Variants in NEGR1 observed in about 807,000 individuals in gnomAD.
The protein encoded by NEGR1 is IgLON family member 4.
NEGR1 carries 10 observed loss-of-function variants against 40.9 expected under a neutral mutation model. The observed-to-expected ratio is 0.24, with a 90% CI of 0.15 to 0.42. The LOEUF (loss-of-function observed/expected upper bound fraction) is 0.42, where lower values mean the gene tolerates loss of function less well. Among genes scored for constraint, NEGR1 ranks in the 10% least tolerant of loss-of-function variants. NEGR1 has a pLI of 1.00. For missense variants in NEGR1, 352 were observed against 438.9 expected (o/e 0.80, Z 1.77); for synonymous variants, 185 against 166.8 (o/e 1.11, Z -0.84).
intron 6 of NEGR1, among the ~76,000 whole-genome samples, chr1:71,504,926 G>A (rs1557548823): frequency 2.0e-5 from 3 of 152,030 alleles, no homozygotes; most frequent in African/African-American, 4.8e-5. Context: ...AAGTAATGAC[G>A]GGCCTCCTAA....
At chr1:72,061,510 CG>C (rs955136508) in intron 1 of NEGR1, among the ~76,000 whole-genome samples, 44 of 151,754 alleles carry the variant, frequency 2.9e-4, no homozygotes, top group African/African-American at 9.9e-4. Flanking sequence ...CATAGACAAA[CG>C]TTGTGTCTAA....
At chr1:72,236,394 G>A (rs58199346) in intron 1 of NEGR1, among the ~76,000 whole-genome samples, 6,533 of 151,532 alleles carry the variant, frequency 0.043, 452 homozygotes, top group African/African-American at 0.14. Flanking sequence ...ACAAACCTGC[G>A]CGTTCTGCAC....
intron 1 of NEGR1, among the ~76,000 whole-genome samples, chr1:72,135,130 A>G (rs930491576): frequency 2.0e-5 from 3 of 150,456 alleles, no homozygotes; most frequent in African/African-American, 7.3e-5. Context: ...TAATCCCAGC[A>G]CTTTGGGAGG....
chr1:72,169,053 G>A (rs559847582), intron 1 of NEGR1, among the ~76,000 whole-genome samples: 132 of 152,228 alleles, frequency 8.7e-4, no homozygotes, highest in African/African-American at 3.1e-3. Flanking sequence ...ACAACCATAA[G>A]AAAGAAGATA....
intron 3 of NEGR1, among the ~76,000 whole-genome samples, chr1:71,770,579 C>T (rs961491963): frequency 2.6e-5 from 4 of 152,064 alleles, no homozygotes; most frequent in African/African-American, 7.2e-5. Context: ...AAAATATGAG[C>T]CTGTTGTATT....
At chr1:71,816,015 A>T (rs1376502528) in intron 2 of NEGR1, among the ~76,000 whole-genome samples, 1 of 152,100 alleles carries the variant, frequency 6.6e-6, no homozygotes, top group Non-Finnish European at 1.5e-5. Context: ...TTCAAGGTGC[A>T]TCAATAAAAT....
intron 6 of NEGR1, among the ~76,000 whole-genome samples, chr1:71,414,114 T>C (rs967150866): frequency 6.6e-6 from 1 of 152,122 alleles, no homozygotes; most frequent in Non-Finnish European, 1.5e-5. Flanking sequence ...TGAGGAAGCA[T>C]ATACCTAGTG....
intron 2 of NEGR1, among the ~76,000 whole-genome samples, chr1:71,781,945 C>G (rs1382582748): frequency 1.3e-5 from 2 of 152,178 alleles, no homozygotes; most frequent in African/African-American, 4.8e-5. Flanking sequence ...AAATTTACCA[C>G]AAAGAAGAAA....
intron 2 of NEGR1, among the ~76,000 whole-genome samples, chr1:71,858,241 C>T (rs1057003653): frequency 6.6e-6 from 1 of 151,824 alleles, no homozygotes. Context: ...GTGAAATATG[C>T]TGTTCTCATT....
At chr1:72,156,822 G>C (rs1428637456) in intron 1 of NEGR1, among the ~76,000 whole-genome samples, 1 of 152,008 alleles carries the variant, frequency 6.6e-6, no homozygotes, top group Non-Finnish European at 1.5e-5. Flanking sequence ...TTGTATTACT[G>C]TCTGCTTTTT....
chr1:71,815,868 G>A (rs1658187036), intron 2 of NEGR1, among the ~76,000 whole-genome samples: 1 of 151,974 alleles, frequency 6.6e-6, no homozygotes, highest in Non-Finnish European at 1.5e-5. Context: ...GTGAGCCAGT[G>A]ATCACTGATA....
intron 1 of NEGR1, among the ~76,000 whole-genome samples, chr1:72,256,350 T>C (rs1655270949): frequency 6.6e-6 from 1 of 152,232 alleles, no homozygotes; most frequent in Non-Finnish European, 1.5e-5. Context: ...AAGTCTGTTT[T>C]CACTGCCATT....
chr1:72,217,863 A>G (rs1653875897), intron 1 of NEGR1, among the ~76,000 whole-genome samples: 2 of 151,968 alleles, frequency 1.3e-5, no homozygotes, highest in South Asian at 2.1e-4. Flanking sequence ...AGTACATATA[A>G]TAAGAAAAGT....
intron 2 of NEGR1, among the ~76,000 whole-genome samples, chr1:71,847,723 A>T (rs1191869325): frequency 1.3e-5 from 2 of 152,198 alleles, no homozygotes; most frequent in Admixed American, 1.3e-4. Context: ...GCCACTTAAT[A>T]CCCTACAATG....
chr1:71,557,410 A>G (rs1648288213), intron 6 of NEGR1, among the ~76,000 whole-genome samples: 1 of 151,596 alleles, frequency 6.6e-6, no homozygotes, highest in South Asian at 2.1e-4. Flanking sequence ...AAGGATGTCA[A>G]CTTTAGAGTG....
rs141447214 is a variant in NEGR1, at chr1:72,042,134, C to A, written c.177-106823G>T. Among the ~76,000 whole-genome samples, 957 of 151,576 alleles carry A rather than the reference C, an allele frequency of 6.3e-3. 15 individuals are homozygous for A. The highest frequency in any genetic ancestry group is 0.022 in the African/African-American group (914 of 41,364). The stretch of plus-strand genomic sequence containing the variant: ...AACATTAACAACATGTGGGGTCCTT[C>A]AGCCAGAGAAAGAAAGAAGAGAGAT... On this transcript the variant is annotated intron_variant, in intron 1 of 6. Coordinates refer to ENST00000357731, the MANE Select transcript of NEGR1 (RefSeq NM_173808.3).
chr1:72,096,990 A>T (rs1648727721), intron 1 of NEGR1, among the ~76,000 whole-genome samples: 1 of 152,018 alleles, frequency 6.6e-6, no homozygotes, highest in Non-Finnish European at 1.5e-5. Context: ...CTGTAGTTAT[A>T]TCTTTTAAAA....
chr1:72,220,931 T>TTTA lies in NEGR1; in HGVS notation c.176+61387_176+61388insTAA, dbSNP rs1553151597. 3.5e-3 allele frequency among the ~76,000 whole-genome samples: 516 copies of TTTA among 148,812 alleles called. 10 individuals are homozygous for TTTA. The East Asian group carries it at 0.059, about 17-fold the overall frequency. ...TACCTAAAGTTTTTTTTTTTTTTTT[T>TTTA]AATAACAAAGAGCAATGCATTTGTT... is the stretch of plus-strand genomic sequence containing the variant. On this transcript the variant is annotated intron_variant, in intron 1 of 6. Coordinates refer to ENST00000357731, the MANE Select transcript of NEGR1 (RefSeq NM_173808.3).
intron 5 of NEGR1, among the ~76,000 whole-genome samples, chr1:71,605,201 T>C (rs1361002216): frequency 6.6e-6 from 1 of 152,152 alleles, no homozygotes; most frequent in Non-Finnish European, 1.5e-5. Flanking sequence ...ACTTTATTTT[T>C]AATTGACCAA....
Sources: gnomAD v4.1 joint callset for allele counts (sites outside exome capture counted in the v4.1 genomes callset) on GRCh38, gnomAD v4.1.1 for gene constraint, MANE v1.5 for transcripts, NCBI Gene and HGNC (gene_info 2026-07-23, HGNC 2026-07-21) for gene names.